Variants in JMJD1C observed in about 807,000 individuals in gnomAD.
The protein encoded by JMJD1C is jumonji domain-containing protein 1C.
Under a neutral mutation model 245.3 loss-of-function variants are expected in JMJD1C, and 31 were observed. The ratio of observed to expected loss-of-function variants is 0.13; its 90% confidence interval spans 0.09 to 0.17. The LOEUF (loss-of-function observed/expected upper bound fraction) is 0.17, where lower values mean the gene tolerates loss of function less well. Ranked by LOEUF, JMJD1C falls within the 10% of genes least tolerant of loss-of-function variation. JMJD1C has a pLI of 1.00. For synonymous variants in JMJD1C, 1,057 were observed against 1,017.4 expected (o/e 1.04, Z -0.74); for missense variants, 2,691 against 3,000.2 (o/e 0.90, Z 2.41).
At chr10:63,252,843 C>A (rs931600006) in intron 3 of JMJD1C, among the ~76,000 whole-genome samples, 1 of 152,180 alleles carries the variant, frequency 6.6e-6, no homozygotes, top group Non-Finnish European at 1.5e-5. Flanking sequence ...ATATTTATGA[C>A]CTGAAAGAGA....
In JMJD1C at chr10:63,208,163, T is replaced by C. The variant is rs759583553; in HGVS notation, c.3506A>G (p.His1169Arg). 1.9e-6 allele frequency: 3 copies of C among 1,614,162 alleles called. No homozygotes were observed. In the Admixed American group the frequency reaches 5.0e-5, roughly 27 times the overall value. The part of the protein sequence containing the change: ...LVGKIPEHLP[H>R]QIASHSVTTF... ...TGTTACTGAGTGAGATGCAATCTGA[T>C]GTGGAAGATGTTCTGGTATCTTGCC... The change falls in exon 10 of 26, where the codon CAT becomes CGT. Residue 1169 changes from histidine to arginine, a missense_variant. By Grantham distance (29) the His-to-Arg change is conservative. Coordinates refer to ENST00000399262, the MANE Select transcript of JMJD1C (RefSeq NM_032776.3).
At chr10:63,464,488 C>T (rs1490416283) in intron 1 of JMJD1C, among the ~76,000 whole-genome samples, 1 of 152,098 alleles carries the variant, frequency 6.6e-6, no homozygotes, top group African/African-American at 2.4e-5. Context: ...GTAAATGGCT[C>T]AGGGCATTAC....
At position 63,371,180 on chromosome 10, in the gene JMJD1C, C is replaced by T. The variant is rs537675906; in HGVS notation, c.333+9138G>A. On this transcript the variant is annotated intron_variant, in intron 2 of 25. Coordinates refer to ENST00000399262, the MANE Select transcript of JMJD1C (RefSeq NM_032776.3). ...TTTTTTGGTAGGGATGAGGGTATAG[C>T]TATGCTGCCCTGGCTGGTCTTGAAC... 1.4e-3 allele frequency among the ~76,000 whole-genome samples: 210 copies of T among 149,792 alleles called. 2 individuals are homozygous for T. Among genetic ancestry groups the T allele is most frequent in the Non-Finnish European group, 4.4e-4 (30 of 67,708 alleles).
intron 1 of JMJD1C, among the ~76,000 whole-genome samples, chr10:63,496,688 GACTA>G (rs1228543503): frequency 6.6e-6 from 1 of 152,116 alleles, no homozygotes; most frequent in Non-Finnish European, 1.5e-5. Flanking sequence ...TACAAATGAA[GACTA>G]TATATGACCC....
intron 1 of JMJD1C, among the ~76,000 whole-genome samples, chr10:63,400,744 T>G (rs1948798981): frequency 6.6e-6 from 1 of 152,076 alleles, no homozygotes; most frequent in African/African-American, 2.4e-5. Flanking sequence ...GTACTTTTAG[T>G]AGAGACGGGG....
chr10:63,269,546 G>A (rs1300662494), intron 2 of JMJD1C, among the ~76,000 whole-genome samples: 1 of 152,022 alleles, frequency 6.6e-6, no homozygotes, highest in Non-Finnish European at 1.5e-5. Context: ...TAAAAATAAA[G>A]CATCAAATAT....
chr10:63,475,158 C>T (rs1318347848), intron 1 of JMJD1C, among the ~76,000 whole-genome samples: 2 of 152,094 alleles, frequency 1.3e-5, no homozygotes, highest in Admixed American at 6.5e-5. Context: ...ATCATTATTA[C>T]TTGCAACATA....
At chr10:63,300,143 T>C (rs967759802) in intron 2 of JMJD1C, among the ~76,000 whole-genome samples, 2 of 152,180 alleles carry the variant, frequency 1.3e-5, no homozygotes, top group African/African-American at 4.8e-5. Flanking sequence ...GTTAATACAA[T>C]GTTCAACCAA....
At chr10:63,190,274 G>C (rs1373724052) in intron 17 of JMJD1C, among the ~76,000 whole-genome samples, 1 of 151,786 alleles carries the variant, frequency 6.6e-6, no homozygotes, top group Non-Finnish European at 1.5e-5. Flanking sequence ...GCGTGATCTC[G>C]GCTCATTGCA....
intron 3 of JMJD1C, among the ~76,000 whole-genome samples, chr10:63,237,886 G>A (rs1850936652): frequency 6.6e-6 from 1 of 151,226 alleles, no homozygotes; most frequent in Non-Finnish European, 1.5e-5. Context: ...AAGAAAAAAA[G>A]GCGGCCAGGC....
rs1166721473 is a variant in JMJD1C at position 63,486,137 on chromosome 10, TAAA to T, written n.113+35598_113+35600del. Among the ~76,000 whole-genome samples the T allele has an allele frequency of 4.1e-4, 30 of 73,284 alleles. 1 individual carries two copies. Among genetic ancestry groups the T allele is most frequent in the South Asian group, 1.3e-3 (3 of 2,228 alleles). The allele number at this position is 73,284 out of a possible 152,430, so 48.1% of individuals were successfully genotyped here. The stretch of plus-strand genomic sequence containing the variant: ...GAAAGTAAAGGGCTTCAAGCAATTG[TAAA>T]AAAAAAAAAAAAAAAAAAAAAAAAA... On this transcript the variant is annotated intron_variant and non_coding_transcript_variant, in intron 1 of 3. Transcript: ENST00000633035.
intron 1 of JMJD1C, among the ~76,000 whole-genome samples, chr10:63,446,772 T>C (rs1951743520): frequency 6.6e-6 from 1 of 152,216 alleles, no homozygotes; most frequent in African/African-American, 2.4e-5. Flanking sequence ...CGAGGTAATT[T>C]GCAACCTTGA....
intron 3 of JMJD1C, among the ~76,000 whole-genome samples, chr10:63,259,021 T>C (rs1854349366): frequency 6.6e-6 from 1 of 152,200 alleles, no homozygotes; most frequent in South Asian, 2.1e-4. Flanking sequence ...AAATGTTACA[T>C]TTTTAAAACA....
intron 1 of JMJD1C, among the ~76,000 whole-genome samples, chr10:63,505,839 C>T (rs1212190868): frequency 7.6e-6 from 1 of 131,338 alleles, no homozygotes; most frequent in Non-Finnish European, 1.6e-5. Flanking sequence ...CCCCCATCAA[C>T]ACACACATAA....
rs1008396748 is a variant in JMJD1C at position 63,207,821 on chromosome 10, C to T, written c.3848G>A (p.Ser1283Asn). The T allele has an allele frequency of 1.9e-6, 3 of 1,614,142 alleles. No individual in the cohort carries two copies. The highest frequency in any genetic ancestry group is 2.5e-6 in the Non-Finnish European group (3 of 1,180,012). ...CACATGCCATTCAGTTTTCTCTTTG[C>T]TGAGGTTATTATTAGGTCTCCACAT... ...TEMWRPNNNL[S>N]KEKTEWHVEK... is the part of the protein sequence containing the mutation. Residue 1283 changes from serine to asparagine, a missense_variant, in exon 10 of 26, where the codon AGC becomes AAC. Ser to Asn is a conservative substitution (Grantham distance 46). Around this residue, in one of 9 missense-constraint regions of JMJD1C, gnomAD observed 1,562 missense variants for 1,490.7 expected, o/e 1.05. Transcript: ENST00000399262.
At chr10:63,378,540 C>T (rs945193556) in intron 2 of JMJD1C, among the ~76,000 whole-genome samples, 5 of 151,806 alleles carry the variant, frequency 3.3e-5, no homozygotes, top group Non-Finnish European at 7.4e-5. Context: ...TGCAGTGAGC[C>T]GAGATCATGC....
intron 2 of JMJD1C, among the ~76,000 whole-genome samples, chr10:63,338,377 T>C (rs926802165): frequency 1.3e-5 from 2 of 152,132 alleles, no homozygotes; most frequent in South Asian, 4.1e-4. Flanking sequence ...CAAGAAATTA[T>C]TCCATCTCAG....
chr10:63,304,730 A>G (rs543830695), intron 2 of JMJD1C, among the ~76,000 whole-genome samples: 1 of 152,318 alleles, frequency 6.6e-6, no homozygotes, highest in Non-Finnish European at 1.5e-5. Flanking sequence ...TCAGATGGCA[A>G]TTGCTTTTAC....
chr10:63,479,319 C>T (rs1432986536), intron 1 of JMJD1C, among the ~76,000 whole-genome samples: 28 of 146,056 alleles, frequency 1.9e-4, no homozygotes, highest in Non-Finnish European at 1.5e-4. Context: ...TCCCAGATGT[C>T]GTATCATCTC....
Sources: gnomAD v4.1 joint callset for allele counts (sites outside exome capture counted in the v4.1 genomes callset) on GRCh38, gnomAD v4.1.1 for gene constraint, gnomAD v4.1.1 regional missense constraint, MANE v1.5 for transcripts, NCBI Gene and HGNC (gene_info 2026-07-23, HGNC 2026-07-21) for gene names.